The following NBEA variants were observed in gnomAD, a reference collection of about 807,000 sequenced individuals.
NBEA encodes the protein neurobeachin, also known as lysosomal-trafficking regulator 2.
NBEA carries 44 observed loss-of-function variants against 343.4 expected under a neutral mutation model. That is an observed-to-expected ratio of 0.13 (90% CI 0.10 to 0.16). The LOEUF (loss-of-function observed/expected upper bound fraction) is 0.16. NBEA is among the 10% of genes least tolerant of loss of function. The pLI is 1.00. For missense variants in NBEA, 2,555 were observed against 3,631.3 expected (o/e 0.70, Z 7.62); for synonymous variants, 1,175 against 1,238.7 (o/e 0.95, Z 1.08).
chr13:35,267,499 CAAATT>C (rs1297024620), intron 34 of NBEA, among the ~76,000 whole-genome samples: 1 of 151,766 alleles, frequency 6.6e-6, no homozygotes, highest in Non-Finnish European at 1.5e-5. Context: ...CAAAACTAGA[CAAATT>C]AGATGTCATA....
intron 35 of NBEA, among the ~76,000 whole-genome samples, chr13:35,301,172 T>TG (rs1442316879): frequency 6.8e-6 from 1 of 147,286 alleles, no homozygotes; most frequent in Non-Finnish European, 1.5e-5. Context: ...CACAATATGT[T>TG]TTTTTTTTTT....
chr13:35,196,149 C>T lies in NBEA; in HGVS notation c.5213C>T (p.Thr1738Ile), dbSNP rs770417412. The stretch of plus-strand genomic sequence containing the variant: ...ACATCCATATCTAGCATTAGTCAAA[C>T]CAAAGGCATCAATGTGAAGGAAATA... ...PATSISSISQ[T>I]KGINVKEILK... is the part of the protein sequence containing the mutation. The change falls in exon 31 of 59, where the codon ACC becomes ATC. Residue 1738 changes from threonine (T) to isoleucine (I), a missense_variant. Around this residue, in one of 21 missense-constraint regions of NBEA, gnomAD observed 270 missense variants for 293.3 expected, o/e 0.92. Transcript: ENST00000379939. 6.2e-7 allele frequency: 1 copy of T among 1,613,656 alleles called. No homozygotes were observed. The highest frequency in any genetic ancestry group is 2.2e-5 in the East Asian group (1 of 44,754).
chr13:35,120,169 A>G (rs1303372171), intron 16 of NBEA, among the ~76,000 whole-genome samples: 1 of 152,222 alleles, frequency 6.6e-6, no homozygotes, highest in Non-Finnish European at 1.5e-5. Context: ...ATGCAGAAAT[A>G]TAATTGTATT....
intron 53 of NBEA, among the ~76,000 whole-genome samples, chr13:35,653,416 C>T (rs1333502669): frequency 3.3e-5 from 5 of 151,166 alleles, no homozygotes; most frequent in Admixed American, 2.0e-4. Context: ...CTGCAACCTC[C>T]GCCTCCCAGG....
intron 41 of NBEA, among the ~76,000 whole-genome samples, chr13:35,536,053 A>G (rs1337627696): frequency 6.6e-6 from 1 of 152,160 alleles, no homozygotes; most frequent in East Asian, 1.9e-4. Context: ...TTTAAGAGAA[A>G]GAAAAATAAA....
rs574726611 is a variant in NBEA, at chr13:35,251,312, G to A, written c.5776+18693G>A. On this transcript the variant is annotated intron_variant, in intron 34 of 58. Transcript: ENST00000379939. ...AGTATGCCAGCATCCCTGTGCATCC[G>A]CTTCCAGCCTGTCACTGCCAGCTTC... The A allele has an allele frequency of 1.1e-4, 99 of 873,062 alleles. No homozygotes were observed. The African/African-American group carries it at 1.3e-3, about 11-fold the overall frequency. 54.1% of individuals were successfully genotyped at this position (873,062 alleles called of 1,614,324 possible).
intron 47 of NBEA, among the ~76,000 whole-genome samples, chr13:35,596,102 G>T (rs1004032038): frequency 3.3e-5 from 5 of 151,896 alleles, no homozygotes; most frequent in Non-Finnish European, 1.5e-5. Flanking sequence ...GTGCGTGTGT[G>T]TGCATGTGTG....
intron 17 of NBEA, among the ~76,000 whole-genome samples, chr13:35,138,101 G>C (rs2067845897): frequency 6.6e-6 from 1 of 152,040 alleles, no homozygotes; most frequent in African/African-American, 2.4e-5. Flanking sequence ...CTTGGAAGTA[G>C]TATAAATGGT....
At chr13:35,656,199 C>T (rs1021451211) in intron 55 of NBEA, among the ~76,000 whole-genome samples, 1 of 152,150 alleles carries the variant, frequency 6.6e-6, no homozygotes, top group African/African-American at 2.4e-5. Context: ...GTTTAGCAAA[C>T]AGTGAGTGAG....
At chr13:35,331,149 T>C (rs1214028947) in intron 36 of NBEA, among the ~76,000 whole-genome samples, 2 of 152,014 alleles carry the variant, frequency 1.3e-5, no homozygotes, top group African/African-American at 4.8e-5. Context: ...TATCAATGTG[T>C]ATCTTTCAGA....
chr13:35,500,709 CTCT>C (rs112152191), intron 41 of NBEA, among the ~76,000 whole-genome samples: 70,908 of 123,404 alleles, frequency 0.57, 17,068 homozygotes, highest in Middle Eastern at 0.6. Context: ...TCTTTCCTGG[CTCT>C]TCTTTTTTTT....
chr13:35,423,192 C>T (rs937300867), intron 38 of NBEA, among the ~76,000 whole-genome samples: 2 of 152,240 alleles, frequency 1.3e-5, no homozygotes, highest in East Asian at 1.9e-4. Context: ...GTTGCCATTG[C>T]TTTTGATGTT....
chr13:35,299,112 C>G (rs2036360714), intron 35 of NBEA, among the ~76,000 whole-genome samples: 1 of 151,860 alleles, frequency 6.6e-6, no homozygotes, highest in African/African-American at 2.4e-5. Flanking sequence ...TGAACATTCA[C>G]TTTGAAAATT....
At chr13:35,394,529 C>T (rs1311428865) in intron 38 of NBEA, among the ~76,000 whole-genome samples, 2 of 151,902 alleles carry the variant, frequency 1.3e-5, no homozygotes, top group African/African-American at 4.8e-5. Context: ...CCCACAAATA[C>T]AAAGAATTAA....
chr13:35,436,348 A>T (rs1015748924), intron 39 of NBEA, among the ~76,000 whole-genome samples: 1 of 152,186 alleles, frequency 6.6e-6, no homozygotes, highest in Non-Finnish European at 1.5e-5. Context: ...TACTAGAATA[A>T]ATTGAAATTC....
chr13:35,176,981 T>C lies in NBEA; in HGVS notation c.4555-15T>C. The C allele has an allele frequency of 6.7e-7, 1 of 1,492,694 alleles. No individual in the cohort carries two copies. Among genetic ancestry groups the C allele is most frequent in the Non-Finnish European group, 9.2e-7 (1 of 1,088,070 alleles). The allele number at this position is 1,492,694 out of a possible 1,614,324, so 92.5% of individuals were successfully genotyped here. ...GTAATATATTATCTATTCACAATTC[T>C]TTTTATTTTCAAAGACTCCATTGGA... On this transcript the variant is annotated splice_polypyrimidine_tract_variant and intron_variant, in intron 27 of 58. Coordinates refer to ENST00000379939, the MANE Select transcript of NBEA (RefSeq NM_001385012.1).
chr13:35,132,250 C>T (rs1325306160), intron 17 of NBEA, among the ~76,000 whole-genome samples: 1 of 152,106 alleles, frequency 6.6e-6, no homozygotes, highest in Admixed American at 6.5e-5. Flanking sequence ...CTCTGCTTCC[C>T]ATGTTCAAGC....
intron 43 of NBEA, 102 bp downstream of exon 43, chr13:35,551,134 G>C (rs1437731399): frequency 3.2e-6 from 2 of 623,540 alleles, no homozygotes; most frequent in Non-Finnish European, 5.1e-6. Flanking sequence ...TTATTTCAGA[G>C]ACCAAAGAAT....
At chr13:35,262,139 G>T (rs947533788) in intron 34 of NBEA, among the ~76,000 whole-genome samples, 2 of 152,112 alleles carry the variant, frequency 1.3e-5, no homozygotes, top group Non-Finnish European at 2.9e-5. Flanking sequence ...AAATATATGA[G>T]AATTGCTAAA....
Sources: allele counts gnomAD v4.1 joint callset (sites outside exome capture counted in the v4.1 genomes callset), GRCh38; gene constraint gnomAD v4.1.1; regional missense constraint gnomAD v4.1.1; transcripts MANE v1.5; gene names NCBI Gene and HGNC (gene_info 2026-07-23, HGNC 2026-07-21).